The following KIAA0753 variants were observed in gnomAD, a reference collection of about 807,000 sequenced individuals.
The protein encoded by KIAA0753 is KIAA0753.
Under a neutral mutation model 116.9 loss-of-function variants are expected in KIAA0753, and 114 were observed. The observed-to-expected ratio is 0.98, with a 90% confidence interval of 0.84 to 1.14. The LOEUF (loss-of-function observed/expected upper bound fraction) is 1.14, where lower values mean the gene tolerates loss of function less well. Among genes scored for constraint, KIAA0753 ranks in the 50% most tolerant of loss-of-function variants. The pLI, the probability that KIAA0753 is intolerant of heterozygous loss-of-function variation, is 0.00. For missense variants in KIAA0753, 1,156 were observed against 1,172.4 expected, an observed-to-expected ratio of 0.99 and a Z score of 0.20; for synonymous variants, 405 against 413.1, an observed-to-expected ratio of 0.98 and a Z score of 0.24.
rs1161966865 is a variant in KIAA0753 at position 6,611,841 on chromosome 17, C to G, written c.1545+78G>C. On this transcript the variant is annotated intron_variant, in intron 8 of 18. Transcript: ENST00000361413. Reference sequence around the variant, plus strand: ...GCATCCAATTGCCTGAGAACTGGCTCCACCATATACCAGTTTATGTGACCT... The same window carrying G: ...GCATCCAATTGCCTGAGAACTGGCTGCACCATATACCAGTTTATGTGACCT... 6.8e-6 allele frequency: 8 copies of G among 1,169,960 alleles called. No individual in the cohort carries two copies. The East Asian group carries it at 1.6e-4, about 24-fold the overall frequency. The allele number at this position is 1,169,960 out of a possible 1,614,324, so 72.5% of individuals were successfully genotyped here.
chr17:6,624,554 A>G (rs537034641), intron 4 of KIAA0753, among the ~76,000 whole-genome samples: 11 of 151,862 alleles, frequency 7.2e-5, no homozygotes, highest in Admixed American at 1.3e-4. Flanking sequence ...ACACACACAC[A>G]CACACACACA....
Position 6,589,933 on chromosome 17 carries a change from C to T in KIAA0753, c.2632G>A (p.Glu878Lys), listed in dbSNP as rs747430716. ...KREAPLLSLA[E>K]DSQQKEGRAP... ...CGGCCTTCTTTCTGTTGAGAATCTT[C>T]GGCTAGGGAGAGAAGAGGGGCCTCT... Residue 878 changes from glutamate to lysine, a missense_variant, in exon 18 of 19, where the codon GAA becomes AAA. Physicochemically the swap from Glu to Lys is moderately conservative, Grantham distance 56. Coordinates refer to ENST00000361413, the MANE Select transcript of KIAA0753 (RefSeq NM_014804.3). 7.4e-6 allele frequency: 12 copies of T among 1,612,076 alleles called. No homozygotes were observed. Among genetic ancestry groups the T allele is most frequent in the South Asian group, 2.2e-5 (2 of 90,710 alleles).
At chr17:6,634,705 CAG>C (rs980829917) in intron 2 of KIAA0753, 21 of 227,442 alleles carry the variant, frequency 9.2e-5, no homozygotes, top group Middle Eastern at 1.8e-3. Flanking sequence ...TATTGGATAA[CAG>C]GGAATTTTTT....
intron 7 of KIAA0753, among the ~76,000 whole-genome samples, chr17:6,615,249 T>C (rs1252939400): frequency 6.6e-6 from 1 of 152,042 alleles, no homozygotes. Flanking sequence ...AGTTTTAAAA[T>C]GTGTATCCAT....
At chr17:6,590,767 A>G in intron 16 of KIAA0753, 137 bp from the exon 17 acceptor site, 1 of 736,774 alleles carries the variant, frequency 1.4e-6, no homozygotes. Flanking sequence ...TAGCAGTGCA[A>G]TGGGAAAATG....
At chr17:6,586,818 C>T (rs542166278) in intron 18 of KIAA0753, among the ~76,000 whole-genome samples, 1 of 152,202 alleles carries the variant, frequency 6.6e-6, no homozygotes, top group South Asian at 2.1e-4. Flanking sequence ...GGAATAAAGA[C>T]ATTAAAAGAA....
chr17:6,579,560 G>A lies in KIAA0753; in HGVS notation c.*187C>T. The A allele has an allele frequency of 1.7e-6, 1 of 600,450 alleles. No homozygotes were observed. The highest frequency in any genetic ancestry group is 2.0e-5 in the South Asian group (1 of 49,930). The allele number at this position is 600,450 out of a possible 1,614,324, so 37.2% of individuals were successfully genotyped here. On this transcript the variant is annotated 3_prime_UTR_variant, in exon 19 of 19. Transcript: ENST00000361413. ...TGATACATTGCATCATACATTTCCAGAACCATTGCCATGACAAAAGAAAAT... is the reference window on the plus strand; with the variant it reads ...TGATACATTGCATCATACATTTCCAAAACCATTGCCATGACAAAAGAAAAT...
Position 6,620,874 on chromosome 17 carries a change from G to C in KIAA0753, c.1229C>G (p.Pro410Arg), listed in dbSNP as rs1417532481. The change falls in exon 7 of 19, where the codon CCA becomes CGA. Residue 410 changes from proline to arginine, a missense_variant. Transcript: ENST00000361413. ...KALERWPSTS[P>R]KGERRPLTAK... ...TGTGAGGGGCCTCCTCTCACCCTTT[G>C]GTGATGTACTTGGCCATCTCTCCAA... 1 of 1,614,150 alleles carries C rather than the reference G, an allele frequency of 6.2e-7. No homozygotes were observed. Among genetic ancestry groups the C allele is most frequent in the South Asian group, 1.1e-5 (1 of 91,086 alleles).
chr17:6,607,199 T>C lies in KIAA0753; in HGVS notation c.1901A>G (p.Asp634Gly), dbSNP rs1970249582. Reference protein sequence around the residue: ...ELEELKAKEIDSMQKQRLDWL... With the variant: ...ELEELKAKEIGSMQKQRLDWL... ...TATTTACCTCTGTTTTTGCATGCTG[T>C]CAATTTCCTTGGCTTTTAACTCTTC... The change falls in exon 11 of 19, where the codon GAC becomes GGC. Residue 634 changes from aspartate (D) to glycine (G), a missense_variant. By Grantham distance (94) the Asp-to-Gly change is moderately conservative (BLOSUM62 -1). Coordinates refer to ENST00000361413, the MANE Select transcript of KIAA0753 (RefSeq NM_014804.3). The C allele has an allele frequency of 3.7e-6, 6 of 1,613,988 alleles. No individual in the cohort carries two copies. Among genetic ancestry groups the C allele is most frequent in the Non-Finnish European group, 4.2e-6 (5 of 1,179,942 alleles).
chr17:6,605,828 A>C (rs1368600853), intron 12 of KIAA0753, among the ~76,000 whole-genome samples: 1 of 152,086 alleles, frequency 6.6e-6, no homozygotes, highest in Admixed American at 6.5e-5. Context: ...AATATTTTGG[A>C]TTGCACATGT....
rs1229171784 is a variant in KIAA0753 at position 6,579,761 on chromosome 17, C to CT, written c.2889dup (p.Glu964ArgfsTer9). On this transcript the variant is annotated frameshift_variant, in exon 19 of 19. Coordinates refer to ENST00000361413, the MANE Select transcript of KIAA0753 (RefSeq NM_014804.3). LOFTEE classifies it high-confidence loss of function. ...TCAGAGAGCCTTTATGTAGCAGCCTCTAAGAATTCTGAGGTGAACACAGCT... is the reference window on the plus strand; with the variant it reads ...TCAGAGAGCCTTTATGTAGCAGCCTCTTAAGAATTCTGAGGTGAACACAGCT... 6.2e-7 allele frequency: 1 copy of CT among 1,612,790 alleles called. No individual in the cohort carries two copies. Among genetic ancestry groups the CT allele is most frequent in the African/African-American group, 1.3e-5 (1 of 74,906 alleles).
intron 4 of KIAA0753, among the ~76,000 whole-genome samples, chr17:6,624,536 C>CACACACACACA (rs1971530883): frequency 7.6e-5 from 11 of 143,910 alleles, no homozygotes; most frequent in Non-Finnish European, 1.5e-4. Flanking sequence ...GAGTTTGGCG[C>CACACACACACA]CACACACACA....
chr17:6,628,764 A>C (rs1331283635), intron 2 of KIAA0753, 23 bp from the exon 3 acceptor site: 1 of 1,553,080 alleles, frequency 6.4e-7, no homozygotes, highest in East Asian at 2.3e-5. Context: ...AATAAAAGTA[A>C]GCAGACATCA....
chr17:6,628,894 T>C (rs1362759194), intron 2 of KIAA0753, among the ~76,000 whole-genome samples, 153 bp from the exon 3 acceptor site: 2 of 152,234 alleles, frequency 1.3e-5, no homozygotes, highest in African/African-American at 4.8e-5. Context: ...GCCACGCTCC[T>C]ACACCCTTGG....
intron 2 of KIAA0753, among the ~76,000 whole-genome samples, chr17:6,630,883 A>G (rs756506102): frequency 1.3e-5 from 2 of 152,234 alleles, no homozygotes; most frequent in Non-Finnish European, 2.9e-5. Context: ...AAGACATGAG[A>G]AAATATATAT....
At chr17:6,625,550 C>T (rs1233745790) in intron 3 of KIAA0753, among the ~76,000 whole-genome samples, 2 of 151,504 alleles carry the variant, frequency 1.3e-5, no homozygotes, top group African/African-American at 4.8e-5. Flanking sequence ...ACCTGTAATC[C>T]CAGCTACTCG....
At chr17:6,580,520 G>T (rs1274794407) in intron 18 of KIAA0753, among the ~76,000 whole-genome samples, 2 of 151,998 alleles carry the variant, frequency 1.3e-5, no homozygotes, top group South Asian at 4.2e-4. Flanking sequence ...GTTTCACCAT[G>T]TTAGCCAGGA....
At chr17:6,605,471 C>A (rs1301920215) in intron 12 of KIAA0753, among the ~76,000 whole-genome samples, 1 of 152,204 alleles carries the variant, frequency 6.6e-6, no homozygotes. Context: ...GGGGCACCTA[C>A]AACTCTCATG....
At chr17:6,605,276 G>T (rs1375093685) in intron 12 of KIAA0753, among the ~76,000 whole-genome samples, 23 of 152,138 alleles carry the variant, frequency 1.5e-4, no homozygotes, top group Admixed American at 1.4e-3. Context: ...GCTAAGGATA[G>T]TCATCCCATC....
Sources: gnomAD v4.1 joint callset for allele counts (sites outside exome capture counted in the v4.1 genomes callset) on GRCh38, gnomAD v4.1.1 for gene constraint, MANE v1.5 for transcripts, NCBI Gene and HGNC (gene_info 2026-07-23, HGNC 2026-07-21) for gene names.